The following C2CD5 variants were observed in gnomAD, a reference collection of about 807,000 sequenced individuals.
The protein encoded by C2CD5 is C2 calcium dependent domain containing 5.
In C2CD5, 109 loss-of-function variants were observed where a neutral mutation model predicts 130.3. That is an observed-to-expected ratio of 0.84 (90% CI 0.72 to 0.98). The LOEUF (loss-of-function observed/expected upper bound fraction) is 0.98. Ranked by LOEUF, C2CD5 falls within the 50% of genes least tolerant of loss-of-function variation. The pLI is 0.00. For synonymous variants in C2CD5, 454 were observed against 429.2 expected, an observed-to-expected ratio of 1.06 and a Z score of -0.71; for missense variants, 996 against 1,261.8, an observed-to-expected ratio of 0.79 and a Z score of 3.19.
intron 26 of C2CD5, among the ~76,000 whole-genome samples, chr12:22,452,826 G>A (rs1389904073): frequency 2.6e-5 from 4 of 152,182 alleles, no homozygotes; most frequent in African/African-American, 9.6e-5. Flanking sequence ...CAGCCACTAG[G>A]GAAGCTGAGG....
chr12:22,464,755 T>A (rs767440139), intron 22 of C2CD5, among the ~76,000 whole-genome samples: 8 of 152,130 alleles, frequency 5.3e-5, no homozygotes, highest in African/African-American at 7.2e-5. Flanking sequence ...ATATATTTTT[T>A]AAAAAATAGT....
chr12:22,456,523 TGA>T (rs1939893921), intron 25 of C2CD5, among the ~76,000 whole-genome samples: 2 of 152,142 alleles, frequency 1.3e-5, no homozygotes, highest in African/African-American at 4.8e-5. Context: ...ATACACTAAC[TGA>T]GAGAGTAAAA....
At chr12:22,458,259 C>A (rs1940376286) in intron 24 of C2CD5, among the ~76,000 whole-genome samples, 1 of 152,020 alleles carries the variant, frequency 6.6e-6, no homozygotes, top group African/African-American at 2.4e-5. Context: ...AGAATACCTG[C>A]ACAAAAAGGA....
Position 22,472,731 on chromosome 12 carries a change from C to T in C2CD5, c.2107+13G>A, listed in dbSNP as rs906611576. On this transcript the variant is annotated intron_variant, in intron 17 of 26. Transcript: ENST00000446597. ...AAAACTAGTTTCATCTCAAAGATAA[C>T]TTTTTTGTTCACCTGAAGGAGGAGG... is the stretch of plus-strand genomic sequence containing the variant. 6.8e-7 allele frequency: 1 copy of T among 1,463,780 alleles called. No homozygotes were observed. Among genetic ancestry groups the T allele is most frequent in the Non-Finnish European group, 9.6e-7 (1 of 1,044,476 alleles). The allele number at this position is 1,463,780 out of a possible 1,614,324, so 90.7% of individuals were successfully genotyped here. A position where few individuals can be genotyped will look rare whatever the true frequency, so the allele number is the denominator to read the frequency against.
chr12:22,532,686 A>T (rs1951414048), intron 3 of C2CD5, among the ~76,000 whole-genome samples: 1 of 152,200 alleles, frequency 6.6e-6, no homozygotes, highest in African/African-American at 2.4e-5. Flanking sequence ...CATTTCTTCC[A>T]TCTTCAGGTA....
chr12:22,514,504 T>C (rs1190981267), intron 8 of C2CD5, among the ~76,000 whole-genome samples: 2 of 151,672 alleles, frequency 1.3e-5, no homozygotes, highest in East Asian at 3.9e-4. Context: ...TATCAGAAAA[T>C]AGAGCAGAAA....
intron 7 of C2CD5, among the ~76,000 whole-genome samples, chr12:22,518,525 GCA>G (rs1471308228): frequency 2.0e-5 from 3 of 152,062 alleles, no homozygotes; most frequent in Non-Finnish European, 2.9e-5. Flanking sequence ...TTTTATATTT[GCA>G]CACACACAGA....
intron 2 of C2CD5, among the ~76,000 whole-genome samples, chr12:22,539,312 C>T (rs1215383950): frequency 6.6e-6 from 1 of 152,128 alleles, no homozygotes; most frequent in East Asian, 1.9e-4. Context: ...TCCTCTCTTG[C>T]CTTCTAAGAC....
chr12:22,469,412 A>G (rs897896386), intron 22 of C2CD5, among the ~76,000 whole-genome samples: 1 of 152,152 alleles, frequency 6.6e-6, no homozygotes, highest in Non-Finnish European at 1.5e-5. Context: ...CAAGTATTCT[A>G]TGTGTGAATA....
chr12:22,487,607 A>C (rs12830803), intron 12 of C2CD5, among the ~76,000 whole-genome samples: 22,396 of 151,628 alleles, frequency 0.15, 3,169 homozygotes, highest in African/African-American at 0.37. Flanking sequence ...GTTGGTGGGA[A>C]TGTAAACTAG....
intron 21 of C2CD5, among the ~76,000 whole-genome samples, chr12:22,470,310 T>C (rs1942817424): frequency 6.6e-6 from 1 of 152,122 alleles, no homozygotes; most frequent in African/African-American, 2.4e-5. Context: ...CAAGAAAGTA[T>C]AGTATCCCCC....
At chr12:22,506,906 T>C in intron 9 of C2CD5, 87 bp from the exon 10 acceptor site, 1 of 752,482 alleles carries the variant, frequency 1.3e-6, no homozygotes, top group Non-Finnish European at 2.4e-6. Flanking sequence ...ATAGCAACTG[T>C]ATTACATCCC....
chr12:22,493,433 A>C (rs1946614533), intron 10 of C2CD5, 96 bp from the exon 11 acceptor site: 7 of 624,086 alleles, frequency 1.1e-5, no homozygotes, highest in Middle Eastern at 2.7e-4. Flanking sequence ...GAAGTAAAGA[A>C]GTTTTATTCT....
chr12:22,499,409 A>G (rs1238762782), intron 10 of C2CD5, among the ~76,000 whole-genome samples: 2 of 152,236 alleles, frequency 1.3e-5, no homozygotes, highest in Non-Finnish European at 2.9e-5. Context: ...TTGGAAAACT[A>G]CTGTTTCACT....
At chr12:22,492,243 AGAT>A (rs1483520075) in intron 11 of C2CD5, among the ~76,000 whole-genome samples, 1 of 152,216 alleles carries the variant, frequency 6.6e-6, no homozygotes, top group Non-Finnish European at 1.5e-5. Flanking sequence ...AACAGTTTCT[AGAT>A]GATATCAACT....
At chr12:22,489,850 CA>C (rs1055049425) in intron 12 of C2CD5, among the ~76,000 whole-genome samples, 2 of 147,676 alleles carry the variant, frequency 1.4e-5, no homozygotes, top group African/African-American at 5.0e-5. Context: ...CATGACAAAG[CA>C]AAAAAAAATG....
intron 3 of C2CD5, among the ~76,000 whole-genome samples, chr12:22,528,460 T>C (rs146927731): frequency 2.0e-4 from 30 of 152,326 alleles, no homozygotes; most frequent in African/African-American, 5.8e-4. Flanking sequence ...AACAGAGGCA[T>C]TTACAATGGA....
intron 26 of C2CD5, among the ~76,000 whole-genome samples, chr12:22,450,276 C>G (rs1186936350): frequency 6.6e-6 from 1 of 152,050 alleles, no homozygotes; most frequent in Non-Finnish European, 1.5e-5. Flanking sequence ...AGAACCGTCT[C>G]CTAAAGCAGA....
At chr12:22,522,276 A>T (rs932841222) in intron 7 of C2CD5, among the ~76,000 whole-genome samples, 1 of 152,172 alleles carries the variant, frequency 6.6e-6, no homozygotes, top group Non-Finnish European at 1.5e-5. Context: ...ACAAGTCTTC[A>T]TTGTATAGGG....
Sources: gnomAD v4.1 joint callset for allele counts (sites outside exome capture counted in the v4.1 genomes callset) on GRCh38, gnomAD v4.1.1 for gene constraint, MANE v1.5 for transcripts, NCBI Gene and HGNC (gene_info 2026-07-23, HGNC 2026-07-21) for gene names.